Variants in PAK5 observed in about 807,000 individuals in gnomAD.
PAK5 encodes the protein p21 (RAC1) activated kinase 5.
PAK5 carries 16 observed loss-of-function variants against 65.9 expected under a neutral mutation model. That is an observed-to-expected ratio of 0.24 (90% CI 0.16 to 0.37). The LOEUF is 0.37. Ranked by LOEUF, PAK5 falls within the 10% of genes least tolerant of loss-of-function variation. The pLI, the probability that PAK5 is intolerant of heterozygous loss-of-function variation, is 1.00. For synonymous variants in PAK5, 371 were observed against 354.9 expected, an observed-to-expected ratio of 1.05 and a Z score of -0.51; for missense variants, 785 against 903.9, an observed-to-expected ratio of 0.87 and a Z score of 1.69.
chr20:9,657,853 C>T (rs1166657031), intron 2 of PAK5, among the ~76,000 whole-genome samples: 1 of 152,174 alleles, frequency 6.6e-6, no homozygotes, highest in Non-Finnish European at 1.5e-5. Flanking sequence ...GAAACAAAAG[C>T]AGCTCCTGTG....
At chr20:9,675,815 T>C (rs2047562741) in intron 2 of PAK5, among the ~76,000 whole-genome samples, 1 of 152,254 alleles carries the variant, frequency 6.6e-6, no homozygotes, top group South Asian at 2.1e-4. Context: ...AGTCAACTGA[T>C]ACCATGTGTC....
At chr20:9,797,473 A>G (rs1181989627) in intron 1 of PAK5, among the ~76,000 whole-genome samples, 1 of 130,976 alleles carries the variant, frequency 7.6e-6, no homozygotes, top group East Asian at 2.7e-4. Context: ...AGGAAGGGGA[A>G]CATCACACAC....
chr20:9,719,221 T>A (rs1569057334), intron 1 of PAK5, among the ~76,000 whole-genome samples: 1 of 152,182 alleles, frequency 6.6e-6, no homozygotes, highest in Non-Finnish European at 1.5e-5. Context: ...AAGAAAACTA[T>A]GACATACGGG....
At chr20:9,785,012 CATATT>C (rs2048978343) in intron 1 of PAK5, among the ~76,000 whole-genome samples, 1 of 151,876 alleles carries the variant, frequency 6.6e-6, no homozygotes, top group Admixed American at 6.6e-5. Flanking sequence ...AGTAAGCCGT[CATATT>C]ATACTAGATT....
intron 1 of PAK5, among the ~76,000 whole-genome samples, chr20:9,730,821 A>G (rs2048327970): frequency 6.6e-6 from 1 of 152,220 alleles, no homozygotes; most frequent in Admixed American, 6.5e-5. Context: ...CTAACCCTTG[A>G]TCTATTATAT....
At chr20:9,544,624 G>T (rs1053251296) in intron 7 of PAK5, 130 bp from the exon 8 acceptor site, 6 of 802,030 alleles carry the variant, frequency 7.5e-6, no homozygotes, top group Non-Finnish European at 1.2e-5. Context: ...CATATCAGAG[G>T]AGGGACTGTC....
intron 2 of PAK5, among the ~76,000 whole-genome samples, chr20:9,688,723 C>T (rs1046942603): frequency 6.6e-6 from 1 of 152,036 alleles, no homozygotes; most frequent in Admixed American, 6.6e-5. Flanking sequence ...CAACACTTCA[C>T]CTGTGCAGCT....
At chr20:9,691,452 C>G (rs915115990) in intron 2 of PAK5, among the ~76,000 whole-genome samples, 1 of 152,134 alleles carries the variant, frequency 6.6e-6, no homozygotes, top group Non-Finnish European at 1.5e-5. Flanking sequence ...AAAAGACTGT[C>G]GGTCATTTTT....
At chr20:9,807,762 A>AAAT (rs71184158) in intron 1 of PAK5, among the ~76,000 whole-genome samples, 5,360 of 142,300 alleles carry the variant, frequency 0.038, 270 homozygotes, top group East Asian at 0.16. Flanking sequence ...AGCAAAAAAT[A>AAAT]AATAATAATA....
chr20:9,755,040 G>A (rs16996378), intron 1 of PAK5, among the ~76,000 whole-genome samples: 8,437 of 152,226 alleles, frequency 0.055, 677 homozygotes, highest in East Asian at 0.33. Context: ...TGTTAACGAA[G>A]ATGTTTAAAA....
rs185441488 is a variant in PAK5, at chr20:9,811,375, G to A, written c.-162+27387C>T. On this transcript the variant is annotated intron_variant, in intron 1 of 9. Transcript: ENST00000353224. ...TCCCCCACCCCAAAAAGAAATATGTGTTCCTAGAATTCAGGGGTAAAAAAG... is the reference window on the plus strand; with the variant it reads ...TCCCCCACCCCAAAAAGAAATATGTATTCCTAGAATTCAGGGGTAAAAAAG... Among the ~76,000 whole-genome samples, 6 of 152,164 alleles carry A rather than the reference G, an allele frequency of 3.9e-5. No individual in the cohort carries two copies. The East Asian group carries it at 5.8e-4, about 15-fold the overall frequency.
intron 2 of PAK5, among the ~76,000 whole-genome samples, chr20:9,690,750 CTTTTT>C (rs112955560): frequency 0.013 from 1,363 of 103,974 alleles, 36 homozygotes; most frequent in African/African-American, 0.05. Flanking sequence ...TTCTTTCTTT[CTTTTT>C]TTTTTTTTTT....
intron 7 of PAK5, among the ~76,000 whole-genome samples, chr20:9,551,673 T>C (rs145106568): frequency 6.6e-6 from 1 of 152,224 alleles, no homozygotes; most frequent in South Asian, 2.1e-4. Flanking sequence ...GGGCTACTTG[T>C]GTGCCTAGTT....
At chr20:9,541,377 T>A (rs2045260399) in intron 9 of PAK5, among the ~76,000 whole-genome samples, 1 of 152,154 alleles carries the variant, frequency 6.6e-6, no homozygotes, top group Admixed American at 6.5e-5. Flanking sequence ...TTTTCTGAGC[T>A]CGTCCTAATT....
chr20:9,722,669 A>G (rs1431014028), intron 1 of PAK5, among the ~76,000 whole-genome samples: 1 of 152,202 alleles, frequency 6.6e-6, no homozygotes, highest in Non-Finnish European at 1.5e-5. Context: ...GCCAGTGACC[A>G]GACCACGCAT....
At chr20:9,548,844 C>G (rs1369593906) in intron 7 of PAK5, among the ~76,000 whole-genome samples, 1 of 151,820 alleles carries the variant, frequency 6.6e-6, no homozygotes, top group African/African-American at 2.4e-5. Context: ...TTTTCATTTC[C>G]TTGTTCATGA....
chr20:9,714,869 C>A (rs1225922544), intron 1 of PAK5, among the ~76,000 whole-genome samples: 1 of 152,158 alleles, frequency 6.6e-6, no homozygotes, highest in African/African-American at 2.4e-5. Context: ...TAGATCCCTT[C>A]CTTACACCTT....
chr20:9,581,396 A>G (rs2045978177), intron 3 of PAK5, among the ~76,000 whole-genome samples: 1 of 152,208 alleles, frequency 6.6e-6, no homozygotes, highest in Non-Finnish European at 1.5e-5. Context: ...AGAAGGCATT[A>G]TCACCCAACT....
At chr20:9,669,984 T>C (rs2047473449) in intron 2 of PAK5, among the ~76,000 whole-genome samples, 1 of 151,592 alleles carries the variant, frequency 6.6e-6, no homozygotes, top group Non-Finnish European at 1.5e-5. Flanking sequence ...GTCCATGTGT[T>C]TTCATCAATT....
Sources: gnomAD v4.1 joint callset for allele counts (sites outside exome capture counted in the v4.1 genomes callset) on GRCh38, gnomAD v4.1.1 for gene constraint, MANE v1.5 for transcripts, NCBI Gene and HGNC (gene_info 2026-07-23, HGNC 2026-07-21) for gene names.